Variants in SF3A2 observed in about 807,000 individuals in gnomAD.
SF3A2 encodes splicing factor 3a subunit 2, also known as SAP 62.
Under a neutral mutation model 31.1 loss-of-function variants are expected in SF3A2, and 5 were observed. That is an observed-to-expected ratio of 0.16 (90% confidence interval 0.08 to 0.34). SF3A2 has a LOEUF of 0.34. SF3A2 is among the 10% of genes least tolerant of loss of function. The pLI is 1.00. For missense variants in SF3A2, 577 were observed against 643.9 expected, an observed-to-expected ratio of 0.90 and a Z score of 1.13; for synonymous variants, 365 against 263.7, an observed-to-expected ratio of 1.38 and a Z score of -3.72.
rs1223953680 is a variant in SF3A2, at chr19:2,248,324, A to G, written c.1173A>G (p.Pro391=). The G allele has an allele frequency of 8.1e-7, 1 of 1,239,870 alleles. No individual in the cohort carries two copies. The highest frequency in any genetic ancestry group is 1.0e-6 in the Non-Finnish European group (1 of 995,410). The allele number at this position is 1,239,870 out of a possible 1,614,324, so 76.8% of individuals were successfully genotyped here. The part of the protein sequence containing the change: ...PAAPAVHPQA[P]GVHPPAPGMH... ...CCCCCGCCGTTCACCCTCAGGCCCC[A>G]GGGGTGCACCCACCAGCCCCAGGGA... The change falls in exon 9 of 9, where the codon CCA becomes CCG. Residue 391 remains proline (P), a synonymous_variant. Coordinates refer to ENST00000221494, the MANE Select transcript of SF3A2 (RefSeq NM_007165.5).
rs763083610 is a variant in SF3A2 at position 2,248,177 on chromosome 19, GGTTCACCCACCAGCCCCCGGA to G, written c.1029_1049del (p.Ala361_Pro367del). On this transcript the variant is annotated inframe_deletion, in exon 9 of 9. Transcript: ENST00000221494. The stretch of plus-strand genomic sequence containing the variant: ...CTGGAGTCCACCCTCCAGCCCCCGG[GGTTCACCCACCAGCCCCCGGA>G]GTCCACCCACCAGCCCCTGGGGTTC... The G allele has an allele frequency of 3.2e-5, 42 of 1,296,070 alleles. No individual in the cohort carries two copies. The highest frequency in any genetic ancestry group is 7.6e-5 in the East Asian group (3 of 39,470). 80.3% of individuals were successfully genotyped at this position (1,296,070 alleles called of 1,614,324 possible).
rs1178638637 is a variant in SF3A2, at chr19:2,246,661, G to A, written c.356-92G>A. 1.5e-5 allele frequency: 22 copies of A among 1,473,290 alleles called. No homozygotes were observed. The highest frequency in any genetic ancestry group is 2.3e-5 in the East Asian group (1 of 42,572). The allele number at this position is 1,473,290 out of a possible 1,614,324, so 91.3% of individuals were successfully genotyped here. A position where few individuals can be genotyped will look rare whatever the true frequency, so the allele number is the denominator to read the frequency against. ...GCTGCAGGGCCTCCCCCGGGGTCCC[G>A]CTCTCGTTCAGTGGGTGGCATTAGC... is the stretch of plus-strand genomic sequence containing the variant. On this transcript the variant is annotated intron_variant, in intron 5 of 8. Coordinates refer to ENST00000221494, the MANE Select transcript of SF3A2 (RefSeq NM_007165.5). The surrounding 1 kb of genome is among the most constrained non-coding windows in gnomAD (Gnocchi z 5.5).
Position 2,248,053 on chromosome 19 carries a change from T to C in SF3A2, c.902T>C (p.Val301Ala). Residue 301 changes from valine (V) to alanine (A), a missense_variant, in exon 9 of 9, where the codon GTC (valine) becomes GCC (alanine). Around this residue, in one of 6 missense-constraint regions of SF3A2, gnomAD observed 462 missense variants for 339.1 expected, o/e 1.36. Transcript: ENST00000221494. The part of the protein sequence containing the change: ...APVVHPPASG[V>A]HPPAPGVHPP... ...GTGGTGCATCCCCCTGCATCTGGGG[T>C]CCATCCCCCAGCTCCTGGCGTCCAC... 2.3e-6 allele frequency: 2 copies of C among 887,388 alleles called. No homozygotes were observed. Among genetic ancestry groups the C allele is most frequent in the Non-Finnish European group, 3.5e-6 (2 of 578,814 alleles). 55.0% of individuals were successfully genotyped at this position (887,388 alleles called of 1,614,324 possible).
rs770475153 is a variant in SF3A2 at position 2,244,612 on chromosome 19, T to C, written c.195T>C (p.Asn65=). ...AACTCTGCCTGACACTTCACAACAA[T>C]GAGGTGCGGCCTCTGCCTGGCTCCG... ...ECKLCLTLHN[N]EGSYLAHTQG... Residue 65 remains asparagine, a synonymous_variant, in exon 3 of 9, where the codon AAT becomes AAC. Coordinates refer to ENST00000221494, the MANE Select transcript of SF3A2 (RefSeq NM_007165.5). 6 of 1,613,744 alleles carry C rather than the reference T, an allele frequency of 3.7e-6. No homozygotes were observed. The East Asian group carries it at 8.9e-5, about 24-fold the overall frequency.
intron 7 of SF3A2, 22 bp downstream of exon 7, chr19:2,247,044 C>G (rs1240895279): frequency 2.3e-5 from 36 of 1,592,222 alleles, no homozygotes; most frequent in Non-Finnish European, 3.0e-5. Context: ...GCGGGGTTCC[C>G]TGGGCCCCCT....
Position 2,245,578 on chromosome 19 carries a change from C to G in SF3A2, c.355+23C>G. Reference sequence around the variant, plus strand: ...AAGGTGAGTCTGCCCGCAGCGGGGCCGGCCACAGCCGCTGCCGTGACATAA... The same window carrying G: ...AAGGTGAGTCTGCCCGCAGCGGGGCGGGCCACAGCCGCTGCCGTGACATAA... On this transcript the variant is annotated intron_variant, in intron 5 of 8. Coordinates refer to ENST00000221494, the MANE Select transcript of SF3A2 (RefSeq NM_007165.5). This position sits in a 1 kb window ranked among gnomAD's most constrained non-coding sequence, Gnocchi z 4.2. 1.3e-6 allele frequency: 2 copies of G among 1,481,686 alleles called. No homozygotes were observed. Among genetic ancestry groups the G allele is most frequent in the Non-Finnish European group, 1.8e-6 (2 of 1,084,000 alleles). 91.8% of individuals were successfully genotyped at this position (1,481,686 alleles called of 1,614,324 possible). A position where few individuals can be genotyped will look rare whatever the true frequency, so the allele number is the denominator to read the frequency against.
chr19:2,246,676 G>A lies in SF3A2; in HGVS notation c.356-77G>A, dbSNP rs552587011. 2 of 1,566,684 alleles carry A rather than the reference G, an allele frequency of 1.3e-6. No homozygotes were observed. Among genetic ancestry groups the A allele is most frequent in the Non-Finnish European group, 1.8e-6 (2 of 1,141,614 alleles). On this transcript the variant is annotated intron_variant, in intron 5 of 8. Coordinates refer to ENST00000221494, the MANE Select transcript of SF3A2 (RefSeq NM_007165.5). The surrounding 1 kb of genome is among the most constrained non-coding windows in gnomAD (Gnocchi z 5.5). ...CCGGGGTCCCGCTCTCGTTCAGTGG[G>A]TGGCATTAGCCTGCCCCAGGTTCCT...
Position 2,246,678 on chromosome 19 carries a change from G to A in SF3A2, c.356-75G>A. ...GGGGTCCCGCTCTCGTTCAGTGGGT[G>A]GCATTAGCCTGCCCCAGGTTCCTCA... On this transcript the variant is annotated intron_variant, in intron 5 of 8. Coordinates refer to ENST00000221494, the MANE Select transcript of SF3A2 (RefSeq NM_007165.5). This position sits in a 1 kb window ranked among gnomAD's most constrained non-coding sequence, Gnocchi z 5.5. 2 of 1,569,248 alleles carry A rather than the reference G, an allele frequency of 1.3e-6. No individual in the cohort carries two copies. The highest frequency in any genetic ancestry group is 1.7e-6 in the Non-Finnish European group (2 of 1,143,458).
In SF3A2 at chr19:2,247,761, C is replaced by T; in HGVS notation, c.616-6C>T. 1 of 1,612,130 alleles carries T rather than the reference C, an allele frequency of 6.2e-7. No individual in the cohort carries two copies. The highest frequency in any genetic ancestry group is 8.5e-7 in the Non-Finnish European group (1 of 1,179,472). On this transcript the variant is annotated splice_region_variant and splice_polypyrimidine_tract_variant and intron_variant, in intron 8 of 8. Transcript: ENST00000221494. The stretch of plus-strand genomic sequence containing the variant: ...GTGCCTGCTGAACCTTTCTCCGTCT[C>T]TCTAGTTCTTCCTCCAGTTCCACTT...
chr19:2,236,970 T>A (rs1288070594), intron 1 of SF3A2, 69 bp downstream of exon 1: 1 of 151,786 alleles, frequency 6.6e-6, no homozygotes, highest in Non-Finnish European at 1.5e-5. Flanking sequence ...ACAGCGGACG[T>A]AGGAGAGAGG....
At chr19:2,237,327 A>C (rs1388310287) in intron 1 of SF3A2, 6 of 149,032 alleles carry the variant, frequency 4.0e-5, no homozygotes, top group African/African-American at 1.5e-4. Context: ...GGATCGCTTG[A>C]GCTCGGAATG....
chr19:2,243,509 C>A lies in SF3A2; in HGVS notation c.91C>A (p.Arg31=), dbSNP rs376804679. The A allele has an allele frequency of 1.9e-5, 29 of 1,548,408 alleles. No individual in the cohort carries two copies. The Admixed American group carries it at 2.7e-4, about 14-fold the overall frequency. Residue 31 remains arginine (R), a synonymous_variant, in exon 2 of 9, where the codon CGG becomes AGG. Transcript: ENST00000221494. The part of the protein sequence containing the change: ...ESNRDRRERL[R]QLALETIDIN... Reference sequence around the variant, plus strand: ...CAACCGTGACCGCAGGGAGCGCCTCCGGCAGCTGGCCCTGGAGACCATCGA... The same window carrying A: ...CAACCGTGACCGCAGGGAGCGCCTCAGGCAGCTGGCCCTGGAGACCATCGA...
intron 1 of SF3A2, among the ~76,000 whole-genome samples, chr19:2,238,374 C>G (rs185997430): frequency 4.7e-4 from 71 of 152,242 alleles, no homozygotes; most frequent in African/African-American, 1.6e-3. Context: ...CCAGGCTGTC[C>G]CCTGATCTTT....
intron 2 of SF3A2, among the ~76,000 whole-genome samples, chr19:2,244,223 C>T (rs1223588872): frequency 2.6e-5 from 4 of 152,172 alleles, no homozygotes; most frequent in Admixed American, 1.3e-4. Context: ...CTCCCTGCCT[C>T]GGGAGTGACC....
intron 1 of SF3A2, among the ~76,000 whole-genome samples, chr19:2,243,020 C>T (rs2024904138): frequency 6.6e-6 from 1 of 152,174 alleles, no homozygotes; most frequent in Non-Finnish European, 1.5e-5. Flanking sequence ...GAGGTGGTGA[C>T]TCGTTTGTGA....
Position 2,246,274 on chromosome 19 carries a change from C to T in SF3A2, c.356-479C>T, listed in dbSNP as rs139618632. ...GCTTGTGAGTGTGCGTGTCTGAGGC[C>T]GCATGGAGAGTGGCCGGGCGGCAGG... On this transcript the variant is annotated intron_variant, in intron 5 of 8. Transcript: ENST00000221494. The surrounding 1 kb of genome is among the most constrained non-coding windows in gnomAD (Gnocchi z 5.5). Among the ~76,000 whole-genome samples, 646 of 151,908 alleles carry T rather than the reference C, an allele frequency of 4.3e-3. 4 individuals carry two copies. The highest frequency in any genetic ancestry group is 7.3e-3 in the Non-Finnish European group (493 of 67,888).
rs951379931 is a variant in SF3A2 at position 2,246,160 on chromosome 19, G to C, written c.356-593G>C. 2.3e-4 allele frequency among the ~76,000 whole-genome samples: 35 copies of C among 152,194 alleles called. No individual in the cohort carries two copies. The highest frequency in any genetic ancestry group is 5.9e-5 in the Non-Finnish European group (4 of 68,028). ...AGAGGTCCCGGGGCAGGTGCACCGG[G>C]TGGGCGAGGGTGGCTAGAGCGGCAG... On this transcript the variant is annotated intron_variant, in intron 5 of 8. Transcript: ENST00000221494. This position sits in a 1 kb window ranked among gnomAD's most constrained non-coding sequence, Gnocchi z 5.5.
chr19:2,247,312 G>A lies in SF3A2; in HGVS notation c.547-282G>A, dbSNP rs2024946895. ...CACTTCCTGGGCCAGGCTGCTGGAG[G>A]GCTTCCTACAGCCTGTCCCCATGCC... On this transcript the variant is annotated intron_variant, in intron 7 of 8. Coordinates refer to ENST00000221494, the MANE Select transcript of SF3A2 (RefSeq NM_007165.5). The A allele has an allele frequency of 1.1e-5, 6 of 551,536 alleles. No homozygotes were observed. The South Asian group carries it at 1.5e-4, about 14-fold the overall frequency. 34.2% of individuals were successfully genotyped at this position (551,536 alleles called of 1,614,324 possible).
chr19:2,244,637 G>A (rs764175255), intron 3 of SF3A2, 22 bp downstream of exon 3: 8 of 1,612,956 alleles, frequency 5.0e-6, no homozygotes, highest in Admixed American at 1.7e-5. Flanking sequence ...GCCTGGCTCC[G>A]GGCGGCTCGC....
Sources: allele counts gnomAD v4.1 joint callset (sites outside exome capture counted in the v4.1 genomes callset), GRCh38; gene constraint gnomAD v4.1.1; regional missense constraint gnomAD v4.1.1; non-coding constraint Gnocchi (gnomAD v3.1); transcripts MANE v1.5; gene names NCBI Gene and HGNC (gene_info 2026-07-23, HGNC 2026-07-21).